PRKN: variants seen among roughly 807,000 people sequenced by gnomAD.
PRKN encodes E3 ubiquitin-protein ligase parkin.
A neutral mutation model predicts 59.5 loss-of-function variants in PRKN; 56 were observed. That is an observed-to-expected ratio of 0.94 (90% CI 0.76 to 1.18). PRKN has a LOEUF of 1.18. Ranked by LOEUF, PRKN falls within the 50% of genes most tolerant of loss-of-function variation. The pLI is 0.00. For missense variants in PRKN, 657 were observed against 596.4 expected, an observed-to-expected ratio of 1.10 and a Z score of -1.06; for synonymous variants, 250 against 222.1, an observed-to-expected ratio of 1.13 and a Z score of -1.12.
intron 6 of PRKN, among the ~76,000 whole-genome samples, chr6:161,880,774 G>A (rs1017571649): frequency 2.0e-5 from 3 of 152,122 alleles, no homozygotes; most frequent in Admixed American, 6.5e-5. Context: ...TTGAAGAGTC[G>A]GTGGTGACCC....
At chr6:162,211,758 A>G (rs1785206773) in intron 3 of PRKN, among the ~76,000 whole-genome samples, 1 of 152,178 alleles carries the variant, frequency 6.6e-6, no homozygotes, top group South Asian at 2.1e-4. Flanking sequence ...TCGATGCTTT[A>G]AGCATCTTAT....
intron 9 of PRKN, among the ~76,000 whole-genome samples, chr6:161,432,683 C>G (rs1788704814): frequency 6.6e-6 from 1 of 151,648 alleles, no homozygotes; most frequent in South Asian, 2.1e-4. Flanking sequence ...CACCTAGCCT[C>G]TGATTTTAGC....
rs1256611641 is a variant in PRKN, at chr6:161,658,036, AAAAG to A, written c.872-88624_872-88621del. 6.6e-3 allele frequency among the ~76,000 whole-genome samples: 539 copies of A among 81,326 alleles called. 3 individuals are homozygous for A. The highest frequency in any genetic ancestry group is 0.033 in the African/African-American group (516 of 15,654). The allele number at this position is 81,326 out of a possible 152,430, so 53.4% of individuals were successfully genotyped here. A position where few individuals can be genotyped will look rare whatever the true frequency, so the allele number is the denominator to read the frequency against. On this transcript the variant is annotated intron_variant, in intron 7 of 11. Transcript: ENST00000366898. ...GTCTCAAAAAAAAAAAAAAAAAAAG[AAAAG>A]AAAAGAAAAAAACGGTGTGCCAGTT...
intron 3 of PRKN, among the ~76,000 whole-genome samples, chr6:162,250,001 C>T (rs902142997): frequency 6.6e-5 from 10 of 151,898 alleles, no homozygotes; most frequent in Non-Finnish European, 8.8e-5. Context: ...CAAAAGTTAG[C>T]CGGGCATGGT....
intron 10 of PRKN, among the ~76,000 whole-genome samples, chr6:161,365,188 T>C (rs1785151805): frequency 6.6e-6 from 1 of 152,054 alleles, no homozygotes; most frequent in South Asian, 2.1e-4. Flanking sequence ...TATAGAAATG[T>C]AGAATGTAAT....
At chr6:161,510,345 A>T (rs1366554156) in intron 9 of PRKN, among the ~76,000 whole-genome samples, 2 of 151,716 alleles carry the variant, frequency 1.3e-5, no homozygotes, top group Non-Finnish European at 2.9e-5. Context: ...GGCATCGTGA[A>T]GTGTGACTGT....
intron 6 of PRKN, among the ~76,000 whole-genome samples, chr6:161,873,452 G>A (rs572967069): frequency 8.5e-5 from 13 of 152,072 alleles, no homozygotes; most frequent in African/African-American, 3.1e-4. Flanking sequence ...AGCTTTTCCT[G>A]ACGGGAACTA....
intron 2 of PRKN, among the ~76,000 whole-genome samples, chr6:162,435,987 T>C (rs1340913532): frequency 6.6e-6 from 1 of 151,868 alleles, no homozygotes; most frequent in African/African-American, 2.4e-5. Context: ...TTCTGTTTTA[T>C]AGTCAATAGA....
At chr6:162,689,716 C>T (rs1448822260) in intron 1 of PRKN, among the ~76,000 whole-genome samples, 1 of 152,086 alleles carries the variant, frequency 6.6e-6, no homozygotes, top group Non-Finnish European at 1.5e-5. Flanking sequence ...ACACGTAGAC[C>T]CTCTGGGTGA....
chr6:162,410,414 G>A (rs1333378889), intron 2 of PRKN, among the ~76,000 whole-genome samples: 1 of 152,148 alleles, frequency 6.6e-6, no homozygotes, highest in Non-Finnish European at 1.5e-5. Flanking sequence ...CGATTCACAT[G>A]GAAAGTCCAC....
chr6:161,913,833 TGAAA>T (rs781390873), intron 6 of PRKN, among the ~76,000 whole-genome samples: 1 of 152,134 alleles, frequency 6.6e-6, no homozygotes, highest in Non-Finnish European at 1.5e-5. Context: ...TATGAAGTCA[TGAAA>T]GCAGAGAACC....
rs139973008 is a variant in PRKN, at chr6:161,359,836, A to G, written c.1285+252T>C. On this transcript the variant is annotated intron_variant, in intron 11 of 11. Coordinates refer to ENST00000366898, the MANE Select transcript of PRKN (RefSeq NM_004562.3). The surrounding 1 kb of genome is among the most constrained non-coding windows in gnomAD (Gnocchi z 5.4). Reference sequence around the variant, plus strand: ...TTTCCATATCTTGGTTCTAGTTTCTATATTTATTCCCTTTCCAACCACATA... The same window carrying G: ...TTTCCATATCTTGGTTCTAGTTTCTGTATTTATTCCCTTTCCAACCACATA... 7.9e-5 allele frequency among the ~76,000 whole-genome samples: 12 copies of G among 152,294 alleles called. No individual in the cohort carries two copies. In the East Asian group the frequency reaches 2.3e-3, roughly 29 times the overall value.
At chr6:162,617,121 G>A (rs571236048) in intron 1 of PRKN, among the ~76,000 whole-genome samples, 65 of 152,262 alleles carry the variant, frequency 4.3e-4, no homozygotes, top group African/African-American at 1.5e-3. Flanking sequence ...ATTGTAGAAA[G>A]ATTAAATCAA....
chr6:161,406,651 A>C (rs1787291590), intron 9 of PRKN, among the ~76,000 whole-genome samples: 1 of 152,162 alleles, frequency 6.6e-6, no homozygotes, highest in South Asian at 2.1e-4. Context: ...AGTGACTTTC[A>C]ACAAAAACTC....
intron 2 of PRKN, among the ~76,000 whole-genome samples, chr6:162,441,786 T>C (rs1790066087): frequency 6.6e-6 from 1 of 152,196 alleles, no homozygotes; most frequent in South Asian, 2.1e-4. Context: ...CTTAGGCATA[T>C]ATGTTTGCAA....
chr6:161,759,159 G>C (rs1329624988), intron 7 of PRKN, among the ~76,000 whole-genome samples: 1 of 129,170 alleles, frequency 7.7e-6, no homozygotes, highest in Non-Finnish European at 1.6e-5. Context: ...CCTGGCGACA[G>C]AGTGAGACTG....
chr6:161,351,020 A>T (rs1226369786), intron 11 of PRKN, among the ~76,000 whole-genome samples: 3 of 73,742 alleles, frequency 4.1e-5, no homozygotes, highest in Non-Finnish European at 6.8e-5. Context: ...AATATATTTT[A>T]TATATTTATA....
At chr6:161,601,379 A>T (rs1782098002) in intron 7 of PRKN, among the ~76,000 whole-genome samples, 1 of 152,094 alleles carries the variant, frequency 6.6e-6, no homozygotes, top group East Asian at 1.9e-4. Context: ...GGTCTATTAG[A>T]TAAGGGTACT....
chr6:162,198,121 G>T (rs1028148116), intron 4 of PRKN, among the ~76,000 whole-genome samples: 1 of 152,112 alleles, frequency 6.6e-6, no homozygotes. Flanking sequence ...TTCAGAGAAG[G>T]GTCAATGATA....
Sources: gnomAD v4.1 joint callset for allele counts (sites outside exome capture counted in the v4.1 genomes callset) on GRCh38, gnomAD v4.1.1 for gene constraint, Gnocchi (gnomAD v3.1) non-coding constraint, MANE v1.5 for transcripts, NCBI Gene and HGNC (gene_info 2026-07-23, HGNC 2026-07-21) for gene names.